PPM1B: variants seen among roughly 807,000 people sequenced by gnomAD.
PPM1B encodes protein phosphatase, Mg2+/Mn2+ dependent 1B.
PPM1B carries 22 observed loss-of-function variants against 43.0 expected under a neutral mutation model. The observed-to-expected ratio is 0.51, with a 90% CI of 0.37 to 0.73. PPM1B has a LOEUF of 0.73. PPM1B is among the 30% of genes least tolerant of loss of function. The pLI is 0.00. For synonymous variants in PPM1B, 217 were observed against 197.9 expected, an observed-to-expected ratio of 1.10 and a Z score of -0.81; for missense variants, 632 against 584.2, an observed-to-expected ratio of 1.08 and a Z score of -0.84.
downstream of PPM1B, chr2:44,234,687 C>G: frequency 1.2e-6 from 1 of 843,266 alleles, no homozygotes; most frequent in Non-Finnish European, 1.4e-6. Context: ...GGTCTGAGGA[C>G]CCACTTATAC....
At chr2:44,208,397 C>T (rs1669294714) in intron 2 of PPM1B, among the ~76,000 whole-genome samples, 1 of 152,118 alleles carries the variant, frequency 6.6e-6, no homozygotes, top group Non-Finnish European at 1.5e-5. Context: ...TGTTACTGTG[C>T]CCTCTGAATA....
chr2:44,175,117 G>A (rs1488497647), intron 1 of PPM1B, among the ~76,000 whole-genome samples: 3 of 152,170 alleles, frequency 2.0e-5, no homozygotes, highest in Non-Finnish European at 4.4e-5. Context: ...AGCTGGGTGT[G>A]GCGGCATGTG....
chr2:44,234,303 G>C, downstream of PPM1B: 5 of 792,168 alleles, frequency 6.3e-6, no homozygotes, highest in Non-Finnish European at 7.6e-6. Flanking sequence ...GGTGGATCAC[G>C]AGGTCAAGAG....
At chr2:44,226,670 A>C (rs940186533) in intron 5 of PPM1B, among the ~76,000 whole-genome samples, 1 of 150,612 alleles carries the variant, frequency 6.6e-6, no homozygotes, top group Non-Finnish European at 1.5e-5. Flanking sequence ...TTATGTGTAA[A>C]TCTTTGAAGC....
intron 2 of PPM1B, among the ~76,000 whole-genome samples, chr2:44,204,261 A>C (rs1323684527): frequency 6.6e-6 from 1 of 152,218 alleles, no homozygotes; most frequent in African/African-American, 2.4e-5. Flanking sequence ...GTATTGTAAA[A>C]GCAAGGGTTA....
At chr2:44,191,479 G>T (rs1668401900) in intron 1 of PPM1B, among the ~76,000 whole-genome samples, 1 of 152,170 alleles carries the variant, frequency 6.6e-6, no homozygotes. Flanking sequence ...CTCCCAAAGT[G>T]CTGGGATTAC....
downstream of PPM1B, chr2:44,234,632 GT>G (rs1306547724): frequency 2.0e-6 from 2 of 984,274 alleles, no homozygotes; most frequent in Non-Finnish European, 2.4e-6. Context: ...CATATTCAGT[GT>G]TGACTCATCT....
At chr2:44,186,654 C>A (rs138048681) in intron 1 of PPM1B, among the ~76,000 whole-genome samples, 1 of 152,318 alleles carries the variant, frequency 6.6e-6, no homozygotes, top group East Asian at 1.9e-4. Context: ...GGATTATTGG[C>A]GTGAGCCATT....
At position 44,201,358 on chromosome 2, in the gene PPM1B, G is replaced by A; in HGVS notation, c.159G>A (p.Trp53Ter). The A allele has an allele frequency of 6.2e-7, 1 of 1,614,130 alleles. No homozygotes were observed. Among genetic ancestry groups the A allele is most frequent in the South Asian group, 1.1e-5 (1 of 91,082 alleles). The change falls in exon 2 of 6, where the codon TGG (tryptophan) becomes TGA (stop). Residue 53 changes from tryptophan to a stop codon, truncating the protein, a stop_gained. Coordinates refer to ENST00000282412, the MANE Select transcript of PPM1B (RefSeq NM_002706.6). LOFTEE classifies it high-confidence loss of function. This position sits in a 1 kb window ranked among gnomAD's most constrained non-coding sequence, Gnocchi z 5.4. Reference sequence around the variant, plus strand: ...GTATTCCTCACGGCTTGGAAGACTGGTCATTTTTTGCAGTTTATGATGGTC... The same window carrying A: ...GTATTCCTCACGGCTTGGAAGACTGATCATTTTTTGCAGTTTATGATGGTC... ...VVGIPHGLED[W>*]SFFAVYDGHA...
At chr2:44,188,106 T>A (rs1276041084) in intron 1 of PPM1B, among the ~76,000 whole-genome samples, 1 of 152,238 alleles carries the variant, frequency 6.6e-6, no homozygotes, top group South Asian at 2.1e-4. Flanking sequence ...TTGGCTTACT[T>A]TAACTTTCAA....
chr2:44,233,777 T>G, downstream of PPM1B: 1 of 985,764 alleles, frequency 1.0e-6, no homozygotes, highest in Non-Finnish European at 1.2e-6. Flanking sequence ...TGATTTTTGG[T>G]CTAAAAGGAA....
intron 5 of PPM1B, among the ~76,000 whole-genome samples, chr2:44,242,121 G>C (rs1437992025): frequency 6.6e-6 from 1 of 151,938 alleles, no homozygotes; most frequent in Non-Finnish European, 1.5e-5. Context: ...GCCTCCCAAA[G>C]TGCTGGGATT....
At chr2:44,194,135 C>A (rs766173513) in intron 1 of PPM1B, among the ~76,000 whole-genome samples, 47 of 151,214 alleles carry the variant, frequency 3.1e-4, no homozygotes, top group Non-Finnish European at 5.2e-4. Context: ...ATGGTTTTTT[C>A]CTTCTGATTC....
At position 44,201,916 on chromosome 2, in the gene PPM1B, C is replaced by T. The variant is rs144396162; in HGVS notation, c.717C>T (p.Ile239=). 3 of 1,613,970 alleles carry T rather than the reference C, an allele frequency of 1.9e-6. No homozygotes were observed. The African/African-American group carries it at 4.0e-5, about 22-fold the overall frequency. ...GAGCAGAAGAGGATGAATTTATCAT[C>T]TTGGCTTGTGATGGGATCTGGGATG... is the stretch of plus-strand genomic sequence containing the variant. ...ILRAEEDEFI[I]LACDGIWDVM... is the part of the protein sequence containing the mutation. The change falls in exon 2 of 6, where the codon ATC becomes ATT. Residue 239 remains isoleucine (I), a synonymous_variant. Transcript: ENST00000282412. This position sits in a 1 kb window ranked among gnomAD's most constrained non-coding sequence, Gnocchi z 5.4.
intron 3 of PPM1B, 136 bp from the exon 4 acceptor site, chr2:44,217,831 A>C: frequency 2.1e-6 from 1 of 466,178 alleles, no homozygotes; most frequent in Non-Finnish European, 3.7e-6. Flanking sequence ...ACTTCTTAAA[A>C]ATTTTTTGTG....
intron 5 of PPM1B, among the ~76,000 whole-genome samples, chr2:44,243,122 A>T (rs1162804310): frequency 3.3e-5 from 5 of 152,144 alleles, no homozygotes; most frequent in Non-Finnish European, 7.4e-5. Context: ...TTTTGTTTCG[A>T]TGCCAGCTTT....
downstream of PPM1B, chr2:44,233,135 T>G (rs1670516237): frequency 1.0e-6 from 1 of 977,084 alleles, no homozygotes; most frequent in Non-Finnish European, 1.2e-6. Context: ...TAAATTGTGA[T>G]TTTTGTTTTA....
In PPM1B at chr2:44,202,222, C is replaced by T. The variant is rs138004864; in HGVS notation, c.846+177C>T. 6.4e-4 allele frequency among the ~76,000 whole-genome samples: 97 copies of T among 152,258 alleles called. No homozygotes were observed. The East Asian group carries it at 0.013, about 20-fold the overall frequency. ...CTTTGCCATCCTTGTTTGTCCCAGC[C>T]TTCTAATTTGAAAATTAAGCTTGAT... is the stretch of plus-strand genomic sequence containing the variant. On this transcript the variant is annotated intron_variant, in intron 2 of 5. Coordinates refer to ENST00000282412, the MANE Select transcript of PPM1B (RefSeq NM_002706.6).
chr2:44,172,302 G>A (rs942402393), intron 1 of PPM1B, among the ~76,000 whole-genome samples: 15 of 152,220 alleles, frequency 9.9e-5, no homozygotes, highest in African/African-American at 3.6e-4. Flanking sequence ...AAAATGTATC[G>A]TATATTAGCA....
Sources: gnomAD v4.1 joint callset for allele counts (sites outside exome capture counted in the v4.1 genomes callset) on GRCh38, gnomAD v4.1.1 for gene constraint, Gnocchi (gnomAD v3.1) non-coding constraint, MANE v1.5 for transcripts, NCBI Gene and HGNC (gene_info 2026-07-23, HGNC 2026-07-21) for gene names.